The following ABCB5 variants were observed in gnomAD, a reference collection of about 807,000 sequenced individuals.
ABCB5 encodes the protein ATP binding cassette subfamily B member 5.
Under a neutral mutation model 144.2 loss-of-function variants are expected in ABCB5, and 155 were observed. The ratio of observed to expected loss-of-function variants is 1.08; its 90% CI spans 0.94 to 1.23. The LOEUF is 1.23. Ranked by LOEUF, ABCB5 falls within the 50% of genes most tolerant of loss-of-function variation. The pLI, the probability that ABCB5 is intolerant of heterozygous loss-of-function variation, is 0.00. For synonymous variants in ABCB5, 610 were observed against 528.6 expected, an observed-to-expected ratio of 1.15 and a Z score of -2.11; for missense variants, 1,830 against 1,520.8, an observed-to-expected ratio of 1.20 and a Z score of -3.38.
At chr7:20,745,982 G>C (rs1401016620) in intron 26 of ABCB5, among the ~76,000 whole-genome samples, 2 of 152,232 alleles carry the variant, frequency 1.3e-5, no homozygotes, top group South Asian at 2.1e-4. Flanking sequence ...TGCTGCAGCT[G>C]AGCTGGTCTC....
chr7:20,632,096 G>T lies in ABCB5; in HGVS notation c.297G>T (p.Leu99=), dbSNP rs78096230. The change falls in exon 5 of 28, where the codon CTG becomes CTT. Residue 99 remains leucine, a synonymous_variant. Coordinates refer to ENST00000404938, the MANE Select transcript of ABCB5 (RefSeq NM_001163941.2). ...ACTGTACTCAGTCTCAAGAGAAGCTGAATGAAGATATGACTCTGTAAGTCC... is the reference window on the plus strand; with the variant it reads ...ACTGTACTCAGTCTCAAGAGAAGCTTAATGAAGATATGACTCTGTAAGTCC... The part of the protein sequence containing the change: ...YQNCTQSQEK[L]NEDMTLLTLY... 107 of 1,528,234 alleles carry T rather than the reference G, an allele frequency of 7.0e-5. No individual in the cohort carries two copies. In the African/African-American group the frequency reaches 1.3e-3, roughly 19 times the overall value. The allele number at this position is 1,528,234 out of a possible 1,614,324, so 94.7% of individuals were successfully genotyped here. A position where few individuals can be genotyped will look rare whatever the true frequency, so the allele number is the denominator to read the frequency against.
Position 20,720,244 on chromosome 7 carries a change from A to C in ABCB5, c.2422-2772A>C, listed in dbSNP as rs145533986. On this transcript the variant is annotated intron_variant, in intron 20 of 27. Transcript: ENST00000404938. Reference sequence around the variant, plus strand: ...CTACATCTGGGATAATTTGAGTCAAAATAAATGATTATAGTAACAGGTTAT... The same window carrying C: ...CTACATCTGGGATAATTTGAGTCAACATAAATGATTATAGTAACAGGTTAT... Among the ~76,000 whole-genome samples the C allele has an allele frequency of 2.8e-3, 425 of 152,354 alleles. 3 individuals are homozygous for C. Among genetic ancestry groups the C allele is most frequent in the African/African-American group, 9.6e-3 (398 of 41,560 alleles).
At chr7:20,731,812 T>C (rs1223309751) in intron 23 of ABCB5, among the ~76,000 whole-genome samples, 1 of 152,022 alleles carries the variant, frequency 6.6e-6, no homozygotes, top group African/African-American at 2.4e-5. Context: ...TGACTCTAAT[T>C]CCAAAATTCT....
chr7:20,726,417 G>GAGTGCA (rs1300998831), intron 21 of ABCB5, among the ~76,000 whole-genome samples: 1 of 131,080 alleles, frequency 7.6e-6, no homozygotes, highest in African/African-American at 2.9e-5. Flanking sequence ...GCCCAAGCTG[G>GAGTGCA]AGTGCAGTGG....
intron 14 of ABCB5, among the ~76,000 whole-genome samples, chr7:20,666,033 G>A (rs190124451): frequency 2.8e-4 from 42 of 152,174 alleles, no homozygotes; most frequent in African/African-American, 9.4e-4. Flanking sequence ...AGCCGGGCGT[G>A]GTGGCACATG....
In ABCB5 at chr7:20,742,962, C is replaced by CA. The variant is rs778140053; in HGVS notation, c.3110_3111insA (p.Leu1038ProfsTer4). 6 of 1,614,144 alleles carry CA rather than the reference C, an allele frequency of 3.7e-6. No homozygotes were observed. Among genetic ancestry groups the CA allele is most frequent in the Non-Finnish European group, 5.1e-6 (6 of 1,180,034 alleles). ...GATGTTTTCATCCTCCGTGGCTTAT[C>CA]CCTCAGTATTGAGCGAGGAAAGACA... On this transcript the variant is annotated frameshift_variant, in exon 25 of 28. Coordinates refer to ENST00000404938, the MANE Select transcript of ABCB5 (RefSeq NM_001163941.2). LOFTEE classifies it high-confidence loss of function.
intron 14 of ABCB5, among the ~76,000 whole-genome samples, chr7:20,661,436 T>C (rs1338691082): frequency 6.6e-6 from 1 of 152,246 alleles, no homozygotes; most frequent in East Asian, 1.9e-4. Flanking sequence ...ATGCTGGCCC[T>C]TAACAAACAG....
In ABCB5 at chr7:20,650,051, G is replaced by T; in HGVS notation, c.1236G>T (p.Lys412Asn). The change falls in exon 12 of 28, where the codon AAG becomes AAT. Residue 412 changes from lysine (K) to asparagine (N), a missense_variant. Coordinates refer to ENST00000404938, the MANE Select transcript of ABCB5 (RefSeq NM_001163941.2). ...KILKGLNLRI[K>N]SGETVALVGL... ...TGAAAGGTCTGAATCTCAGAATTAAGTCTGGAGAGACAGTCGCCTTGGTCG... is the reference window on the plus strand; with the variant it reads ...TGAAAGGTCTGAATCTCAGAATTAATTCTGGAGAGACAGTCGCCTTGGTCG... 6.2e-7 allele frequency: 1 copy of T among 1,613,324 alleles called. No individual in the cohort carries two copies. The highest frequency in any genetic ancestry group is 8.5e-7 in the Non-Finnish European group (1 of 1,179,542).
At chr7:20,704,099 A>G (rs1456929007) in intron 19 of ABCB5, among the ~76,000 whole-genome samples, 1 of 4,598 alleles carries the variant, frequency 2.2e-4, no homozygotes, top group Non-Finnish European at 4.0e-4. Context: ...TTTGTGAGAC[A>G]GGGTCTCACT....
At chr7:20,666,691 T>C (rs1402932916) in intron 14 of ABCB5, 8 of 1,548,172 alleles carry the variant, frequency 5.2e-6, no homozygotes, top group Non-Finnish European at 6.1e-6. Context: ...GTTTGGCTTT[T>C]AGCTTTGTGT....
rs972671782 is a variant in ABCB5, at chr7:20,704,742, G to A, written c.2356G>A (p.Glu786Lys). The A allele has an allele frequency of 1.2e-6, 2 of 1,613,700 alleles. No homozygotes were observed. Among genetic ancestry groups the A allele is most frequent in the Non-Finnish European group, 1.7e-6 (2 of 1,179,806 alleles). ...TCTCTAGGATATTGCCTGGTTTGAT[G>A]AAAAGGAAAACAGCACAGGAGGCTT... ...MLYQDIAWFDEKENSTGGLTT... is the reference protein window; with the variant it reads ...MLYQDIAWFDKKENSTGGLTT... Residue 786 changes from glutamate (E) to lysine (K), a missense_variant, in exon 20 of 28, where the codon GAA becomes AAA. Physicochemically the swap from Glu to Lys is moderately conservative, Grantham distance 56 (BLOSUM62 1). Coordinates refer to ENST00000404938, the MANE Select transcript of ABCB5 (RefSeq NM_001163941.2).
intron 17 of ABCB5, among the ~76,000 whole-genome samples, chr7:20,699,572 G>A (rs961129889): frequency 6.6e-5 from 10 of 151,676 alleles, no homozygotes; most frequent in African/African-American, 1.5e-4. Flanking sequence ...GTGGTGGTGC[G>A]CGCCTGTAAT....
At chr7:20,750,473 T>C (rs1056189915) in intron 26 of ABCB5, among the ~76,000 whole-genome samples, 4 of 151,978 alleles carry the variant, frequency 2.6e-5, no homozygotes, top group African/African-American at 9.7e-5. Context: ...ATTCATTTGG[T>C]GGCAAAATGA....
intron 23 of ABCB5, among the ~76,000 whole-genome samples, chr7:20,738,164 G>A (rs1011127486): frequency 6.6e-6 from 1 of 152,176 alleles, no homozygotes; most frequent in African/African-American, 2.4e-5. Context: ...TATTGCCAGC[G>A]ACACTGGTCC....
At chr7:20,633,093 T>C (rs1437441508) in intron 5 of ABCB5, among the ~76,000 whole-genome samples, 1 of 151,814 alleles carries the variant, frequency 6.6e-6, no homozygotes, top group Non-Finnish European at 1.5e-5. Context: ...AATAATAAAA[T>C]ACTTCTTAAC....
intron 19 of ABCB5, among the ~76,000 whole-genome samples, chr7:20,701,286 T>C (rs1254592784): frequency 2.0e-5 from 3 of 152,214 alleles, no homozygotes; most frequent in Non-Finnish European, 2.9e-5. Context: ...AAGAAATAAG[T>C]TGAGACTTTA....
At chr7:20,626,851 T>G (rs971029229) in intron 3 of ABCB5, among the ~76,000 whole-genome samples, 3 of 115,674 alleles carry the variant, frequency 2.6e-5, no homozygotes, top group African/African-American at 3.6e-5. Flanking sequence ...AAAGTGTTTT[T>G]GGGGTGTGTG....
At chr7:20,655,795 A>C (rs1269081041) in intron 13 of ABCB5, among the ~76,000 whole-genome samples, 1 of 152,210 alleles carries the variant, frequency 6.6e-6, no homozygotes, top group Non-Finnish European at 1.5e-5. Context: ...GTATGTGTAG[A>C]AACTGACATG....
chr7:20,753,396 C>A lies in ABCB5; in HGVS notation c.3466C>A (p.Leu1156Ile). Residue 1156 changes from leucine (L) to isoleucine (I), a missense_variant, in exon 27 of 28, where the codon CTT becomes ATT. Leu to Ile is a conservative substitution (Grantham distance 5). Transcript: ENST00000404938. ...NTQVGLKGAQ[L>I]SGGQKQRLAI... Reference sequence around the variant, plus strand: ...ACAAGTTGGACTGAAAGGAGCACAGCTTTCTGGCGGCCAGAAACAAAGACT... The same window carrying A: ...ACAAGTTGGACTGAAAGGAGCACAGATTTCTGGCGGCCAGAAACAAAGACT... 6.2e-7 allele frequency: 1 copy of A among 1,614,106 alleles called. No homozygotes were observed. Among genetic ancestry groups the A allele is most frequent in the Non-Finnish European group, 8.5e-7 (1 of 1,179,978 alleles).
Sources: gnomAD v4.1 joint callset for allele counts (sites outside exome capture counted in the v4.1 genomes callset) on GRCh38, gnomAD v4.1.1 for gene constraint, MANE v1.5 for transcripts, NCBI Gene and HGNC (gene_info 2026-07-23, HGNC 2026-07-21) for gene names.